PPP2R2B: variants seen among roughly 807,000 people sequenced by gnomAD.
PPP2R2B encodes the protein protein phosphatase 2 regulatory subunit Bbeta.
Under a neutral mutation model 46.0 loss-of-function variants are expected in PPP2R2B, and 5 were observed. That is an observed-to-expected ratio of 0.11 (90% CI 0.06 to 0.23). The LOEUF (loss-of-function observed/expected upper bound fraction) is 0.23. Among genes scored for constraint, PPP2R2B ranks in the 10% least tolerant of loss-of-function variants. PPP2R2B has a pLI of 1.00. For synonymous variants in PPP2R2B, 215 were observed against 206.7 expected, an observed-to-expected ratio of 1.04 and a Z score of -0.34; for missense variants, 367 against 575.0, an observed-to-expected ratio of 0.64 and a Z score of 3.70.
At chr5:146,608,905 G>T (rs1353104854) in intron 7 of PPP2R2B, among the ~76,000 whole-genome samples, 2 of 152,124 alleles carry the variant, frequency 1.3e-5, no homozygotes, top group Non-Finnish European at 2.9e-5. Context: ...AAAAATAGAG[G>T]AGGGAATACT....
At chr5:146,942,653 G>C (rs1212990276) in intron 1 of PPP2R2B, among the ~76,000 whole-genome samples, 1 of 152,128 alleles carries the variant, frequency 6.6e-6, no homozygotes, top group South Asian at 2.1e-4. Flanking sequence ...GAGAACTCCT[G>C]TTTCTCCCAT....
rs141199085 is a variant in PPP2R2B at position 147,037,867 on chromosome 5, A to G, written c.79+17798T>C. ...AACTACAAGACTGTACTCTCCAGGG[A>G]CTCTGTTTTATTTACCCTTGTTTAC... On this transcript the variant is annotated intron_variant, in intron 1 of 8. Coordinates refer to the PPP2R2B transcript ENST00000336640. Among the ~76,000 whole-genome samples, 879 of 152,158 alleles carry G rather than the reference A, an allele frequency of 5.8e-3. 10 individuals carry two copies. The highest frequency in any genetic ancestry group is 0.02 in the African/African-American group (835 of 41,514).
chr5:146,718,745 T>C (rs1425861503), intron 2 of PPP2R2B, among the ~76,000 whole-genome samples: 1 of 152,212 alleles, frequency 6.6e-6, no homozygotes, highest in Non-Finnish European at 1.5e-5. Flanking sequence ...AAGATCTTTA[T>C]ATGCCAAGAA....
At chr5:146,948,809 T>C (rs1013752923) in intron 1 of PPP2R2B, among the ~76,000 whole-genome samples, 4 of 152,088 alleles carry the variant, frequency 2.6e-5, no homozygotes, top group Non-Finnish European at 5.9e-5. Flanking sequence ...TAGATACATT[T>C]GACAGGTAAA....
chr5:146,824,345 T>C (rs1259547897), intron 2 of PPP2R2B, among the ~76,000 whole-genome samples: 1 of 152,222 alleles, frequency 6.6e-6, no homozygotes, highest in East Asian at 1.9e-4. Context: ...CAATTTGTGT[T>C]CCTCATGACC....
intron 5 of PPP2R2B, among the ~76,000 whole-genome samples, chr5:146,652,109 C>T (rs761914499): frequency 1.7e-4 from 26 of 152,224 alleles, no homozygotes; most frequent in Non-Finnish European, 2.8e-4. Flanking sequence ...ATCCCAATTA[C>T]GGATAAGGGC....
Position 146,667,574 on chromosome 5 carries a change from TA to T in PPP2R2B, c.448-16851del, listed in dbSNP as rs143848056. On this transcript the variant is annotated intron_variant, in intron 5 of 9. Coordinates refer to ENST00000394411, the MANE Select transcript of PPP2R2B (RefSeq NM_181675.4). The stretch of plus-strand genomic sequence containing the variant: ...GAACAGAAACCTTCCTAAACTTACT[TA>T]AAAAAAAAACCCAAAAGGATTACTG... Among the ~76,000 whole-genome samples the T allele has an allele frequency of 2.5e-3, 373 of 147,604 alleles. 2 individuals are homozygous for T. Among genetic ancestry groups the T allele is most frequent in the African/African-American group, 8.0e-3 (321 of 40,254 alleles).
At chr5:146,750,549 A>G (rs551264898) in intron 2 of PPP2R2B, among the ~76,000 whole-genome samples, 2 of 152,314 alleles carry the variant, frequency 1.3e-5, no homozygotes, top group South Asian at 4.2e-4. Context: ...TGGATACAGA[A>G]TATTTCTGTA....
chr5:146,616,784 G>A (rs1033630328), intron 7 of PPP2R2B, among the ~76,000 whole-genome samples: 6 of 152,102 alleles, frequency 3.9e-5, no homozygotes, highest in East Asian at 1.9e-4. Flanking sequence ...ATGAAAATTC[G>A]AAAAACCACT....
At chr5:146,596,851 T>C (rs975516139) in intron 8 of PPP2R2B, among the ~76,000 whole-genome samples, 9 of 152,178 alleles carry the variant, frequency 5.9e-5, no homozygotes, top group African/African-American at 1.9e-4. Flanking sequence ...CATATATGGC[T>C]GTGAATTCTG....
chr5:146,981,285 G>A (rs1219449017), intron 1 of PPP2R2B, among the ~76,000 whole-genome samples: 1 of 152,048 alleles, frequency 6.6e-6, no homozygotes, highest in Non-Finnish European at 1.5e-5. Flanking sequence ...AGAGTCTTGG[G>A]TGGTAAATTT....
intron 7 of PPP2R2B, among the ~76,000 whole-genome samples, chr5:146,633,657 G>A (rs1040773124): frequency 6.6e-6 from 1 of 152,270 alleles, no homozygotes; most frequent in Non-Finnish European, 1.5e-5. Flanking sequence ...GGACAGGGCT[G>A]GGCAGAGGCC....
chr5:146,746,763 T>C (rs1753215657), intron 2 of PPP2R2B, among the ~76,000 whole-genome samples: 1 of 152,222 alleles, frequency 6.6e-6, no homozygotes, highest in Non-Finnish European at 1.5e-5. Flanking sequence ...AAGCAGCACA[T>C]CTAAATGGTG....
intron 1 of PPP2R2B, among the ~76,000 whole-genome samples, chr5:146,947,386 A>C (rs1388803030): frequency 6.6e-6 from 1 of 152,146 alleles, no homozygotes; most frequent in Admixed American, 6.6e-5. Context: ...GATCAGGATC[A>C]ACAGGGACCA....
At chr5:146,596,473 A>G (rs1416576038) in intron 8 of PPP2R2B, among the ~76,000 whole-genome samples, 2 of 152,292 alleles carry the variant, frequency 1.3e-5, no homozygotes, top group Admixed American at 6.5e-5. Flanking sequence ...GGCTCACTGA[A>G]TCAGAGTTTG....
intron 2 of PPP2R2B, among the ~76,000 whole-genome samples, chr5:147,077,296 ACACACACACACACACC>A (rs1265206769): frequency 6.8e-6 from 1 of 148,122 alleles, no homozygotes; most frequent in African/African-American, 2.5e-5. Flanking sequence ...ACACACACAC[ACACACACACACACACC>A]CACACCCACA....
intron 1 of PPP2R2B, among the ~76,000 whole-genome samples, chr5:147,020,222 T>G (rs1348809051): frequency 1.3e-5 from 2 of 152,156 alleles, no homozygotes; most frequent in Non-Finnish European, 2.9e-5. Flanking sequence ...TATTTGATCC[T>G]GGAGAATCAA....
Position 146,875,296 on chromosome 5 carries a change from G to A in PPP2R2B, c.70+2706C>T, listed in dbSNP as rs75446335. On this transcript the variant is annotated intron_variant, in intron 2 of 9. Coordinates refer to ENST00000394411, the MANE Select transcript of PPP2R2B (RefSeq NM_181675.4). ...ATGTTAACTTTAAAAGAGGAGGAAA[G>A]GTAGGGGAGGGTGGTAATTTTCATG... 7.1e-3 allele frequency among the ~76,000 whole-genome samples: 1,080 copies of A among 152,140 alleles called. 4 individuals are homozygous for A. The highest frequency in any genetic ancestry group is 0.012 in the Non-Finnish European group (845 of 67,970).
At chr5:147,056,582 C>A (rs937949198), upstream of PPP2R2B, among the ~76,000 whole-genome samples, 4 of 152,030 alleles carry the variant, frequency 2.6e-5, no homozygotes, top group Middle Eastern at 3.2e-3. Flanking sequence ...AATCTGTGAA[C>A]CCTGATGGCA....
Sources: gnomAD v4.1 joint callset for allele counts (sites outside exome capture counted in the v4.1 genomes callset) on GRCh38, gnomAD v4.1.1 for gene constraint, MANE v1.5 for transcripts, NCBI Gene and HGNC (gene_info 2026-07-23, HGNC 2026-07-21) for gene names.